ABCC4: variants seen among roughly 807,000 people sequenced by gnomAD.
The protein encoded by ABCC4 is ATP-binding cassette sub-family C member 4.
ABCC4 carries 102 observed loss-of-function variants against 168.5 expected under a neutral mutation model. The ratio of observed to expected loss-of-function variants is 0.61; its 90% CI spans 0.52 to 0.71. The LOEUF is 0.71. Among genes scored for constraint, ABCC4 ranks in the 30% least tolerant of loss-of-function variants. The pLI, the probability that ABCC4 is intolerant of heterozygous loss-of-function variation, is 0.00. For synonymous variants in ABCC4, 617 were observed against 590.7 expected, an observed-to-expected ratio of 1.04 and a Z score of -0.65; for missense variants, 1,402 against 1,605.8, an observed-to-expected ratio of 0.87 and a Z score of 2.17.
At chr13:95,051,574 A>G (rs1297653061) in intron 27 of ABCC4, among the ~76,000 whole-genome samples, 5 of 151,780 alleles carry the variant, frequency 3.3e-5, no homozygotes, top group Admixed American at 1.3e-4. Flanking sequence ...GACAAAGTCC[A>G]CCATGTTGTC....
intron 25 of ABCC4, among the ~76,000 whole-genome samples, chr13:95,064,260 G>GTATATATA (rs753635232): frequency 0.017 from 354 of 21,210 alleles, 4 homozygotes; most frequent in African/African-American, 0.073. Flanking sequence ...GTGTGTGTGT[G>GTATATATA]TATATATATA....
At chr13:95,166,404 T>C in intron 14 of ABCC4, 37 bp from the exon 15 acceptor site, 2 of 1,535,216 alleles carry the variant, frequency 1.3e-6, no homozygotes, top group Non-Finnish European at 1.8e-6. Flanking sequence ...GAGATACATG[T>C]GCAGGTGATA....
chr13:95,099,510 T>TA (rs764115219), intron 20 of ABCC4, among the ~76,000 whole-genome samples: 2 of 151,912 alleles, frequency 1.3e-5, no homozygotes, highest in South Asian at 2.1e-4. Flanking sequence ...ATAGATAGGG[T>TA]AAAAAAAATA....
At chr13:95,059,410 C>T (rs1005469940) in intron 26 of ABCC4, among the ~76,000 whole-genome samples, 37 of 152,222 alleles carry the variant, frequency 2.4e-4, no homozygotes, top group African/African-American at 8.9e-4. Flanking sequence ...TGGGACGCAA[C>T]AATCACTAAA....
Position 95,170,669 on chromosome 13 carries a change from G to A in ABCC4, c.1728-41C>T, listed in dbSNP as rs751464803. ...GCACAGGGTGAAAAAATGCATGAAT[G>A]GGGTGCTCCACATTGAAAAACATAC... On this transcript the variant is annotated intron_variant, in intron 13 of 30. Coordinates refer to ENST00000645237, the MANE Select transcript of ABCC4 (RefSeq NM_005845.5). The A allele has an allele frequency of 4.7e-5, 58 of 1,227,954 alleles. No individual in the cohort carries two copies. The South Asian group carries it at 7.4e-4, about 16-fold the overall frequency. 76.1% of individuals were successfully genotyped at this position (1,227,954 alleles called of 1,614,324 possible).
intron 11 of ABCC4, among the ~76,000 whole-genome samples, chr13:95,182,596 G>A (rs7333637): frequency 1.3e-5 from 2 of 152,116 alleles, no homozygotes; most frequent in African/African-American, 2.4e-5. Context: ...AATTAAGAAG[G>A]CCTGTTATGT....
At chr13:95,162,421 G>A (rs920657328) in intron 18 of ABCC4, among the ~76,000 whole-genome samples, 5 of 152,204 alleles carry the variant, frequency 3.3e-5, no homozygotes, top group African/African-American at 1.2e-4. Context: ...TAAACAGTAT[G>A]TAATGCTACA....
chr13:95,064,137 A>C (rs947153254), intron 25 of ABCC4, among the ~76,000 whole-genome samples: 2 of 151,954 alleles, frequency 1.3e-5, no homozygotes, highest in East Asian at 3.9e-4. Flanking sequence ...TAAATGTTTA[A>C]AAAGTGGCTT....
At chr13:95,240,655 A>C (rs2138781140) in intron 3 of ABCC4, among the ~76,000 whole-genome samples, 1 of 152,272 alleles carries the variant, frequency 6.6e-6, no homozygotes, top group South Asian at 2.1e-4. Flanking sequence ...AGGGGTAGAG[A>C]GAGGCTTAGT....
Position 95,161,277 on chromosome 13 carries a change from G to A in ABCC4, c.2367C>T (p.Val789=). 1.2e-6 allele frequency: 2 copies of A among 1,609,928 alleles called. No individual in the cohort carries two copies. The highest frequency in any genetic ancestry group is 2.2e-5 in the East Asian group (1 of 44,696). Reference sequence around the variant, plus strand: ...GCAAAGTTTGTGAAGAGTTAACAAGGACGTAGAATACCAATAGAGATCTTG... The same window carrying A: ...GCAAAGTTTGTGAAGAGTTAACAAGAACGTAGAATACCAATAGAGATCTTG... ...GIARSLLVFY[V]LVNSSQTLHN... The change falls in exon 19 of 31, where the codon GTC becomes GTT. Residue 789 remains valine (V), a synonymous_variant. Transcript: ENST00000645237.
intron 29 of ABCC4, 83 bp from the exon 30 acceptor site, chr13:95,034,822 G>A: frequency 6.3e-7 from 1 of 1,582,572 alleles, no homozygotes; most frequent in Admixed American, 1.7e-5. Flanking sequence ...TCGGAAAGGG[G>A]CAGGAGAGGG....
intron 20 of ABCC4, among the ~76,000 whole-genome samples, chr13:95,112,892 C>T (rs1179137109): frequency 6.6e-6 from 1 of 152,128 alleles, no homozygotes; most frequent in East Asian, 1.9e-4. Flanking sequence ...AAACCCAGGG[C>T]CCCAGTGTCC....
At chr13:95,289,552 C>T (rs2041340214) in intron 1 of ABCC4, among the ~76,000 whole-genome samples, 1 of 152,186 alleles carries the variant, frequency 6.6e-6, no homozygotes, top group African/African-American at 2.4e-5. Flanking sequence ...CTAACAACAT[C>T]CCTGGCACGG....
intron 20 of ABCC4, among the ~76,000 whole-genome samples, chr13:95,112,604 G>C (rs1007204160): frequency 6.6e-6 from 1 of 152,088 alleles, no homozygotes; most frequent in African/African-American, 2.4e-5. Flanking sequence ...TCCGTAGTTG[G>C]TTCTGATGAT....
Position 95,151,452 on chromosome 13 carries a change from G to C in ABCC4, c.2455+9737C>G, listed in dbSNP as rs1398145221. Among the ~76,000 whole-genome samples, 5 of 144,854 alleles carry C rather than the reference G, an allele frequency of 3.5e-5. No homozygotes were observed. In the Admixed American group the frequency reaches 3.5e-4, roughly 10 times the overall value. On this transcript the variant is annotated intron_variant, in intron 19 of 30. Transcript: ENST00000645237. ...ATCACACCACTGCACTCCAGCCTAG[G>C]CAACAGACCAAGACTCTGTCTCAAG...
At chr13:95,068,182 G>A (rs2033610431) in intron 25 of ABCC4, among the ~76,000 whole-genome samples, 1 of 152,128 alleles carries the variant, frequency 6.6e-6, no homozygotes, top group Non-Finnish European at 1.5e-5. Context: ...AACAGCAAAG[G>A]GACTGCCTGA....
At chr13:95,257,439 G>A (rs2040419699) in intron 1 of ABCC4, among the ~76,000 whole-genome samples, 1 of 152,072 alleles carries the variant, frequency 6.6e-6, no homozygotes. Flanking sequence ...AGGCCGAGGC[G>A]GGTGGATCAC....
chr13:95,229,839 T>A (rs2039570159), intron 4 of ABCC4, among the ~76,000 whole-genome samples: 1 of 152,202 alleles, frequency 6.6e-6, no homozygotes, highest in Admixed American at 6.5e-5. Context: ...GATCTTCAGC[T>A]ATCCTTAATC....
At chr13:95,191,133 C>A (rs2038238889) in intron 9 of ABCC4, among the ~76,000 whole-genome samples, 1 of 152,194 alleles carries the variant, frequency 6.6e-6, no homozygotes, top group African/African-American at 2.4e-5. Flanking sequence ...CTCCACATCT[C>A]AAGCGGGCAT....
Sources: allele counts gnomAD v4.1 joint callset (sites outside exome capture counted in the v4.1 genomes callset), GRCh38; gene constraint gnomAD v4.1.1; transcripts MANE v1.5; gene names NCBI Gene and HGNC (gene_info 2026-07-23, HGNC 2026-07-21).